Variants in ABHD12 observed in about 807,000 individuals in gnomAD.
The protein encoded by ABHD12 is abhydrolase domain containing 12, lysophospholipase.
Under a neutral mutation model 58.3 loss-of-function variants are expected in ABHD12, and 43 were observed. That is an observed-to-expected ratio of 0.74 (90% confidence interval 0.58 to 0.95). The LOEUF (loss-of-function observed/expected upper bound fraction) is 0.95. ABHD12 is among the 40% of genes least tolerant of loss of function. ABHD12 has a pLI of 0.00. For missense variants in ABHD12, 539 were observed against 537.2 expected (o/e 1.00, Z -0.03); for synonymous variants, 219 against 211.2 (o/e 1.04, Z -0.32).
chr20:25,302,387 A>C (rs770597033), intron 11 of ABHD12, 41 bp from the exon 12 acceptor site: 1 of 1,610,630 alleles, frequency 6.2e-7, no homozygotes, highest in Admixed American at 1.7e-5. Context: ...GTGGCCTGGC[A>C]TGGGGGTCCC....
intron 2 of ABHD12, among the ~76,000 whole-genome samples, chr20:25,325,679 C>A (rs1174022627): frequency 1.3e-5 from 2 of 152,116 alleles, no homozygotes; most frequent in African/African-American, 4.8e-5. Flanking sequence ...CTGGGCCCAC[C>A]CACACCTCGA....
At chr20:25,296,153 T>TCCAGCTCCTTGTTGCC (rs1434883047), downstream of ABHD12, among the ~76,000 whole-genome samples, 1 of 152,052 alleles carries the variant, frequency 6.6e-6, no homozygotes, top group Non-Finnish European at 1.5e-5. Flanking sequence ...GGACCTTCTC[T>TCCAGCTCCTTGTTGCC]CCAGCTCCTT....
intron 1 of ABHD12, among the ~76,000 whole-genome samples, chr20:25,370,091 T>G (rs1217640601): frequency 6.6e-6 from 1 of 152,172 alleles, no homozygotes; most frequent in Non-Finnish European, 1.5e-5. Context: ...GAATTCCTAC[T>G]TAAATTGATT....
intron 1 of ABHD12, among the ~76,000 whole-genome samples, chr20:25,379,191 C>T (rs2089994080): frequency 6.6e-6 from 1 of 152,180 alleles, no homozygotes; most frequent in Admixed American, 6.5e-5. Context: ...CTCAACTATG[C>T]AGAACATGTC....
In ABHD12 at chr20:25,302,249, T is replaced by C; in HGVS notation, c.1127A>G (p.Tyr376Cys). The C allele has an allele frequency of 6.2e-7, 1 of 1,613,630 alleles. No homozygotes were observed. The highest frequency in any genetic ancestry group is 8.5e-7 in the Non-Finnish European group (1 of 1,179,954). ...SDLGYRHKYI[Y>C]KSPELPRILR... ...TATCCGTGGCAGCTCAGGGCTCTTG[T>C]AAATGTATTTGTGCCTGTAGCCAAG... Residue 376 changes from tyrosine to cysteine, a missense_variant, in exon 12 of 13, where the codon TAC (tyrosine) becomes TGC (cysteine). Tyr to Cys is a radical substitution (Grantham distance 194). Transcript: ENST00000339157.
In ABHD12 at chr20:25,300,657, C is replaced by T; in HGVS notation, c.*188G>A. On this transcript the variant is annotated 3_prime_UTR_variant, in exon 13 of 13. Coordinates refer to ENST00000339157, the MANE Select transcript of ABHD12 (RefSeq NM_001042472.3). ...CACCCACGCTTTCCACACAGCCATG[C>T]TCAGGCCTCCGGGCACTGCAGGCCT... The T allele has an allele frequency of 6.7e-7, 1 of 1,500,252 alleles. No homozygotes were observed. The highest frequency in any genetic ancestry group is 8.9e-7 in the Non-Finnish European group (1 of 1,128,666). 92.9% of individuals were successfully genotyped at this position (1,500,252 alleles called of 1,614,324 possible).
chr20:25,357,919 G>A (rs1600847826), intron 1 of ABHD12, among the ~76,000 whole-genome samples: 1 of 152,270 alleles, frequency 6.6e-6, no homozygotes, highest in East Asian at 1.9e-4. Flanking sequence ...GCTGAGGTGG[G>A]AGGATTGTTT....
At chr20:25,351,825 C>G (rs2089603755) in intron 1 of ABHD12, among the ~76,000 whole-genome samples, 1 of 152,004 alleles carries the variant, frequency 6.6e-6, no homozygotes, top group Non-Finnish European at 1.5e-5. Context: ...TGCTTGAACT[C>G]AGGGGGTGGA....
intron 2 of ABHD12, among the ~76,000 whole-genome samples, chr20:25,326,069 C>CAAAAAA (rs1339542161): frequency 3.8e-5 from 2 of 52,518 alleles, no homozygotes; most frequent in Admixed American, 4.9e-4. Context: ...AGACTCTGTC[C>CAAAAAA]AAAAAAAAAA....
At chr20:25,343,547 G>T (rs956377129) in intron 1 of ABHD12, among the ~76,000 whole-genome samples, 6 of 152,182 alleles carry the variant, frequency 3.9e-5, no homozygotes, top group African/African-American at 1.4e-4. Context: ...GCTCACGCCT[G>T]TAATTCCAGC....
Position 25,300,536 on chromosome 20 carries a change from G to A in ABHD12, c.*309C>T. 7.3e-7 allele frequency: 1 copy of A among 1,369,802 alleles called. No homozygotes were observed. Among genetic ancestry groups the A allele is most frequent in the Non-Finnish European group, 9.4e-7 (1 of 1,059,256 alleles). 84.9% of individuals were successfully genotyped at this position (1,369,802 alleles called of 1,614,324 possible). On this transcript the variant is annotated 3_prime_UTR_variant, in exon 13 of 13. Transcript: ENST00000339157. ...GCCCGGACTCCCCCTGTCCAGCTCAGTGCAGCATCAAGCAGGCAGTGATGG... is the reference window on the plus strand; with the variant it reads ...GCCCGGACTCCCCCTGTCCAGCTCAATGCAGCATCAAGCAGGCAGTGATGG...
downstream of ABHD12, among the ~76,000 whole-genome samples, chr20:25,298,501 C>T (rs111312924): frequency 0.055 from 8,330 of 152,214 alleles, 465 homozygotes; most frequent in South Asian, 0.18. Context: ...GTGATCCGCC[C>T]GCCTCAGCCT....
chr20:25,386,527 T>C (rs369264785), intron 1 of ABHD12, among the ~76,000 whole-genome samples: 1 of 151,888 alleles, frequency 6.6e-6, no homozygotes, highest in Non-Finnish European at 1.5e-5. Flanking sequence ...CCCAAAGTGC[T>C]GGGATTACAG....
chr20:25,303,135 C>A (rs2088668240), intron 11 of ABHD12: 5 of 809,994 alleles, frequency 6.2e-6, no homozygotes, highest in Non-Finnish European at 6.4e-6. Flanking sequence ...TGACTGTGAC[C>A]CCTGCAATGG....
Position 25,390,699 on chromosome 20 carries a change from C to T in ABHD12, c.5G>A (p.Arg2Lys). Reference sequence around the variant, plus strand: ...CAAGGCGACGGGCTCGGTCCGCTTCCTCATCCCGCGGCCGACAGGGCCAGC... The same window carrying T: ...CAAGGCGACGGGCTCGGTCCGCTTCTTCATCCCGCGGCCGACAGGGCCAGC... M[R>K]KRTEPVALEH... Residue 2 changes from arginine (R) to lysine (K), a missense_variant, in exon 1 of 13, where the codon AGG becomes AAG. By Grantham distance (26) the Arg-to-Lys change is conservative. Transcript: ENST00000339157. 1 of 1,391,738 alleles carries T rather than the reference C, an allele frequency of 7.2e-7. No individual in the cohort carries two copies. Among genetic ancestry groups the T allele is most frequent in the Non-Finnish European group, 9.3e-7 (1 of 1,070,778 alleles). 86.2% of individuals were successfully genotyped at this position (1,391,738 alleles called of 1,614,324 possible).
intron 1 of ABHD12, among the ~76,000 whole-genome samples, chr20:25,378,470 A>G (rs1331027682): frequency 6.6e-6 from 1 of 152,224 alleles, no homozygotes; most frequent in Admixed American, 6.5e-5. Context: ...GGAGTGGCAA[A>G]GGTCAAGGAT....
At chr20:25,346,768 C>G (rs1190114722) in intron 1 of ABHD12, among the ~76,000 whole-genome samples, 3 of 152,280 alleles carry the variant, frequency 2.0e-5, no homozygotes, top group South Asian at 2.1e-4. Flanking sequence ...CCCTCAGCCT[C>G]CCGAGCAGCT....
downstream of ABHD12, chr20:25,295,775 G>A: frequency 1.5e-6 from 2 of 1,304,116 alleles, no homozygotes; most frequent in South Asian, 1.2e-5. Context: ...CTTGGCCTGG[G>A]CCAGAGGGGT....
At chr20:25,319,532 T>A (rs1264833302) in intron 4 of ABHD12, among the ~76,000 whole-genome samples, 1 of 152,144 alleles carries the variant, frequency 6.6e-6, no homozygotes, top group African/African-American at 2.4e-5. Flanking sequence ...TGCCACCTCC[T>A]CCAGGGCTGC....
Sources: gnomAD v4.1 joint callset for allele counts (sites outside exome capture counted in the v4.1 genomes callset) on GRCh38, gnomAD v4.1.1 for gene constraint, MANE v1.5 for transcripts, NCBI Gene and HGNC (gene_info 2026-07-23, HGNC 2026-07-21) for gene names.